Variants in TENM3 observed in about 807,000 individuals in gnomAD.
TENM3 encodes the protein teneurin transmembrane protein 3, also known as teneurin-3.
A neutral mutation model predicts 255.1 loss-of-function variants in TENM3; 63 were observed. The ratio of observed to expected loss-of-function variants is 0.25; its 90% CI spans 0.20 to 0.30. The LOEUF is 0.30. TENM3 is among the 10% of genes least tolerant of loss of function. The pLI, the probability that TENM3 is intolerant of heterozygous loss-of-function variation, is 1.00. For synonymous variants in TENM3, 1,306 were observed against 1,322.3 expected (o/e 0.99, Z 0.27); for missense variants, 2,929 against 3,461.1 (o/e 0.85, Z 3.86).
chr4:182,724,004 G>A (rs1579242781), intron 13 of TENM3, among the ~76,000 whole-genome samples: 1 of 152,152 alleles, frequency 6.6e-6, no homozygotes, highest in East Asian at 1.9e-4. Flanking sequence ...AAAAGCTAAC[G>A]AGAGCAATAA....
chr4:181,804,980 G>A, the TENM3 span, among the ~76,000 whole-genome samples: 1 of 152,072 alleles, frequency 6.6e-6, no homozygotes, highest in African/African-American at 2.4e-5. Context: ...CCCGTCCCCT[G>A]ATTCTCCTCC....
chr4:182,706,422 T>C (rs1758285004), intron 12 of TENM3, among the ~76,000 whole-genome samples: 1 of 152,162 alleles, frequency 6.6e-6, no homozygotes, highest in Non-Finnish European at 1.5e-5. Context: ...TGGTAGTTAT[T>C]GCGAATACCA....
intron 27 of TENM3, among the ~76,000 whole-genome samples, chr4:182,797,126 G>C (rs1432729973): frequency 2.6e-5 from 4 of 152,256 alleles, no homozygotes; most frequent in African/African-American, 9.6e-5. Flanking sequence ...AATGCCACAA[G>C]GTTCAACTTC....
At position 182,378,953 on chromosome 4, in the gene TENM3, G is replaced by A. The variant is rs570969428; in HGVS notation, c.511+32024G>A. ...TTCCCTTGAGACTCTACAAATAACT[G>A]GGTACGTGGCAGAAGGTGCGTACCG... On this transcript the variant is annotated intron_variant, in intron 3 of 27. Transcript: ENST00000511685. Among the ~76,000 whole-genome samples the A allele has an allele frequency of 7.2e-4, 110 of 152,236 alleles. 1 individual carries two copies. The highest frequency in any genetic ancestry group is 2.6e-3 in the African/African-American group (109 of 41,538).
chr4:181,782,276 T>A, the TENM3 span, among the ~76,000 whole-genome samples: 5 of 152,176 alleles, frequency 3.3e-5, no homozygotes, highest in African/African-American at 1.2e-4. Context: ...GGTAGGCTAT[T>A]AACGATTGCC....
chr4:182,046,031 A>G, the TENM3 span, among the ~76,000 whole-genome samples: 10 of 152,288 alleles, frequency 6.6e-5, no homozygotes, highest in South Asian at 8.3e-4. Context: ...GAGCAAAGCA[A>G]GATGACCAGA....
chr4:182,024,112 A>G, the TENM3 span, among the ~76,000 whole-genome samples: 1 of 141,114 alleles, frequency 7.1e-6, no homozygotes, highest in African/African-American at 3.2e-5. Context: ...GATTTGGGGG[A>G]AAAAACAACA....
intron 1 of TENM3, among the ~76,000 whole-genome samples, chr4:182,201,981 T>C: frequency 6.6e-6 from 1 of 152,232 alleles, no homozygotes; most frequent in East Asian, 1.9e-4. Context: ...CAAAGTTCTT[T>C]ATGTAATCAT....
the TENM3 span, among the ~76,000 whole-genome samples, chr4:181,961,424 G>GTTGTTC: frequency 2.6e-5 from 4 of 151,906 alleles, no homozygotes; most frequent in Non-Finnish European, 5.9e-5. Context: ...GTGGTTTTTT[G>GTTGTTC]TTGTTGTTGT....
At chr4:182,357,723 T>G (rs1455528120) in intron 3 of TENM3, among the ~76,000 whole-genome samples, 2 of 150,382 alleles carry the variant, frequency 1.3e-5, no homozygotes, top group East Asian at 2.0e-4. Flanking sequence ...TTAGTTTAAT[T>G]AGATCCCATT....
Position 182,775,120 on chromosome 4 carries a change from A to G in TENM3, c.5271A>G (p.Gln1757=), listed in dbSNP as rs778317641. 5.6e-6 allele frequency: 9 copies of G among 1,613,894 alleles called. No homozygotes were observed. The African/African-American group carries it at 1.2e-4, about 22-fold the overall frequency. Residue 1757 remains glutamine, a synonymous_variant, in exon 24 of 28, where the codon CAA becomes CAG. Transcript: ENST00000511685. ...GGAGATTCCGAAAAGAGCAAGCCCA[A>G]GGGAAAGTCAATGTCTTTGGCCGCA... ...VEWRFRKEQA[Q]GKVNVFGRKL...
At chr4:181,894,381 C>T in the TENM3 span, among the ~76,000 whole-genome samples, 2 of 152,156 alleles carry the variant, frequency 1.3e-5, no homozygotes, top group Admixed American at 1.3e-4. Context: ...CTGTACTGCT[C>T]GGACTTCACA....
chr4:182,320,370 T>C (rs989010403), intron 1 of TENM3, among the ~76,000 whole-genome samples: 3 of 152,206 alleles, frequency 2.0e-5, no homozygotes, highest in African/African-American at 7.2e-5. Flanking sequence ...AAGAATCTGC[T>C]TCGCGCCTCT....
intron 3 of TENM3, among the ~76,000 whole-genome samples, chr4:182,528,274 C>T (rs536867533): frequency 6.6e-6 from 1 of 152,058 alleles, no homozygotes; most frequent in Admixed American, 6.6e-5. Flanking sequence ...TGCACCACCA[C>T]GTCCAGCTAA....
At chr4:182,596,791 AG>A (rs1747280414) in intron 3 of TENM3, among the ~76,000 whole-genome samples, 1 of 152,206 alleles carries the variant, frequency 6.6e-6, no homozygotes, top group South Asian at 2.1e-4. Context: ...GGAGTTTTCT[AG>A]GAGTAAATCG....
At chr4:182,595,047 T>C (rs1481250054) in intron 3 of TENM3, among the ~76,000 whole-genome samples, 1 of 152,134 alleles carries the variant, frequency 6.6e-6, no homozygotes, top group Admixed American at 6.5e-5. Context: ...AACTTTTATG[T>C]CAGGCACTGT....
chr4:182,531,044 G>A (rs181397383), intron 3 of TENM3, among the ~76,000 whole-genome samples: 3 of 150,804 alleles, frequency 2.0e-5, no homozygotes, highest in African/African-American at 7.3e-5. Flanking sequence ...TGTAGATGGA[G>A]GAGAAAAGAG....
chr4:182,155,639 A>G lies in TENM3; in HGVS notation c.-76+10885A>G, dbSNP rs151318669. On this transcript the variant is annotated intron_variant, in intron 1 of 2. Coordinates refer to the TENM3 transcript ENST00000512480. ...AAGAAATAAATAATACTGCCTAGAA[A>G]TGAGCCAGATGTAACCAAATTTCAA... Among the ~76,000 whole-genome samples, 359 of 152,272 alleles carry G rather than the reference A, an allele frequency of 2.4e-3. 1 individual carries two copies. The highest frequency in any genetic ancestry group is 7.7e-3 in the African/African-American group (320 of 41,564).
At chr4:182,454,337 ATAGT>A (rs1376079779) in intron 3 of TENM3, among the ~76,000 whole-genome samples, 18 of 152,218 alleles carry the variant, frequency 1.2e-4, no homozygotes, top group Admixed American at 7.2e-4. Context: ...CTTTTTAATG[ATAGT>A]TAGAGTTTCT....
Sources: gnomAD v4.1 joint callset for allele counts (sites outside exome capture counted in the v4.1 genomes callset) on GRCh38, gnomAD v4.1.1 for gene constraint, MANE v1.5 for transcripts, NCBI Gene and HGNC (gene_info 2026-07-23, HGNC 2026-07-21) for gene names.